The following LACTBL1 variants were observed in gnomAD, a reference collection of about 807,000 sequenced individuals.
LACTBL1 encodes the protein beta-lactamase-like protein 1.
Under a neutral mutation model 39.6 loss-of-function variants are expected in LACTBL1, and 29 were observed. The ratio of observed to expected loss-of-function variants is 0.73; its 90% CI spans 0.55 to 1.00. LACTBL1 has a LOEUF of 1.00. LACTBL1 is among the 50% of genes least tolerant of loss of function. The pLI, the probability that LACTBL1 is intolerant of heterozygous loss-of-function variation, is 0.00. For missense variants in LACTBL1, 711 were observed against 748.5 expected, an observed-to-expected ratio of 0.95 and a Z score of 0.59; for synonymous variants, 361 against 360.7, an observed-to-expected ratio of 1.00 and a Z score of -0.01.
At position 22,958,622 on chromosome 1, in the gene LACTBL1, C is replaced by G. The variant is rs1019606250; in HGVS notation, c.553+63G>C. ...TGAGCCCAGCCTGGCTGGATGAGAA[C>G]CTGTTCCTCAGCTTCCCCACCTGAA... On this transcript the variant is annotated intron_variant, in intron 4 of 5. Coordinates refer to ENST00000426928, the Ensembl canonical transcript of LACTBL1. 5 of 1,367,034 alleles carry G rather than the reference C, an allele frequency of 3.7e-6. No individual in the cohort carries two copies. In the Admixed American group the frequency reaches 9.3e-5, roughly 25 times the overall value. The allele number at this position is 1,367,034 out of a possible 1,614,324, so 84.7% of individuals were successfully genotyped here. A position where few individuals can be genotyped will look rare whatever the true frequency, so the allele number is the denominator to read the frequency against.
At chr1:22,956,659 G>T (rs1272346911) in intron 4 of LACTBL1, among the ~76,000 whole-genome samples, 1 of 151,990 alleles carries the variant, frequency 6.6e-6, no homozygotes, top group Non-Finnish European at 1.5e-5. Flanking sequence ...ACCAACAGAG[G>T]GTCCTTCAGA....
upstream of LACTBL1, among the ~76,000 whole-genome samples, chr1:22,965,870 A>C (rs1186452317): frequency 6.6e-6 from 1 of 152,186 alleles, no homozygotes; most frequent in Non-Finnish European, 1.5e-5. Context: ...TCATTCTTCT[A>C]CTTATATAAA....
rs1640785626 is a variant in LACTBL1 at position 22,958,672 on chromosome 1, T to C, written c.553+13A>G. On this transcript the variant is annotated intron_variant, in intron 4 of 5. Coordinates refer to ENST00000426928, the Ensembl canonical transcript of LACTBL1. ...AATGGTTTGGGTCAGCCTGAGTCAG[T>C]TCTGAGACTCACCTGAGAGCTGGCT... The C allele has an allele frequency of 6.5e-7, 1 of 1,533,656 alleles. No homozygotes were observed. The highest frequency in any genetic ancestry group is 2.0e-5 in the Admixed American group (1 of 50,194).
At chr1:22,959,914 A>G in intron 3 of LACTBL1, 28 bp downstream of exon 5, 1 of 1,550,700 alleles carries the variant, frequency 6.4e-7, no homozygotes, top group African/African-American at 1.4e-5. Context: ...TTACCCCTCC[A>G]CAGGACCCTA....
At chr1:22,962,623 C>T (rs1380210118) in intron 2 of LACTBL1, among the ~76,000 whole-genome samples, 1 of 152,192 alleles carries the variant, frequency 6.6e-6, no homozygotes, top group African/African-American at 2.4e-5. Context: ...TATGGCCTCT[C>T]AGTTCTCTGT....
Position 22,960,135 on chromosome 1 carries a change from C to T in LACTBL1, c.160-36G>A, listed in dbSNP as rs560411669. 5 of 1,548,464 alleles carry T rather than the reference C, an allele frequency of 3.2e-6. No individual in the cohort carries two copies. In the Admixed American group the frequency reaches 5.9e-5, roughly 18 times the overall value. ...AAGAACGGGTGCAGTGACAGGCCCC[C>T]CTGCCCTCACCCTCAGTAATCATCT... On this transcript the variant is annotated intron_variant, in intron 2 of 5. Coordinates refer to ENST00000426928, the Ensembl canonical transcript of LACTBL1.
chr1:22,965,204 A>T, intron 1 of LACTBL1, 86 bp downstream of exon 3: 1 of 1,162,824 alleles, frequency 8.6e-7, no homozygotes, highest in Non-Finnish European at 1.1e-6. Flanking sequence ...GTCCTCCCCT[A>T]CACACTAGAA....
upstream of LACTBL1, among the ~76,000 whole-genome samples, chr1:22,967,790 T>C (rs1640898285): frequency 6.6e-6 from 1 of 152,138 alleles, no homozygotes; most frequent in African/African-American, 2.4e-5. Context: ...CTTGCTTATT[T>C]ACTTTGTCTG....
At chr1:22,964,105 T>C (rs1640854300) in intron 1 of LACTBL1, among the ~76,000 whole-genome samples, 1 of 151,904 alleles carries the variant, frequency 6.6e-6, no homozygotes, top group Admixed American at 6.6e-5. Flanking sequence ...CCCGGCTCAT[T>C]TTTGTATTTT....
exon 2 of LACTBL1, chr1:22,963,131 G>C (rs890105136): frequency 4.6e-5 from 59 of 1,287,270 alleles, no homozygotes; most frequent in Admixed American, 1.2e-4. Flanking sequence ...CCTTCAACAC[G>C]GGGAGTGGGT....
rs139197369 is a variant in LACTBL1 at position 22,955,838 on chromosome 1, G to A, written c.554-412C>T. On this transcript the variant is annotated intron_variant, in intron 4 of 5. Coordinates refer to ENST00000426928, the Ensembl canonical transcript of LACTBL1. ...AGCACTTTGGGAGGCCAAGGTGGGC[G>A]GATTGCCTGAGGTCGGAGTTCAAGA... Among the ~76,000 whole-genome samples, 187 of 152,252 alleles carry A rather than the reference G, an allele frequency of 1.2e-3. 1 individual carries two copies. Among genetic ancestry groups the A allele is most frequent in the African/African-American group, 4.3e-3 (178 of 41,552 alleles).
chr1:22,955,284 C>T, intron 5 of LACTBL1, 37 bp downstream of exon 7: 1 of 1,500,482 alleles, frequency 6.7e-7, no homozygotes, highest in Non-Finnish European at 9.1e-7. Flanking sequence ...CCAGGAGGCT[C>T]CTAACATGAG....
At chr1:22,956,613 C>T (rs1417117785) in intron 4 of LACTBL1, among the ~76,000 whole-genome samples, 1 of 152,068 alleles carries the variant, frequency 6.6e-6, no homozygotes, top group South Asian at 2.1e-4. Context: ...TTACCTGTGT[C>T]AATCACAGCA....
At chr1:22,958,315 G>A (rs142500815) in intron 4 of LACTBL1, among the ~76,000 whole-genome samples, 2,353 of 152,184 alleles carry the variant, frequency 0.015, 44 homozygotes, top group African/African-American at 0.051. Context: ...GAATTACTGG[G>A]CTCGAGTGAT....
intron 2 of LACTBL1, among the ~76,000 whole-genome samples, chr1:22,962,850 A>G (rs1187444483): frequency 6.6e-6 from 1 of 151,836 alleles, no homozygotes; most frequent in African/African-American, 2.4e-5. Flanking sequence ...AACTTTTCTT[A>G]CCCTCACTCT....
rs779004645 is a variant in LACTBL1, at chr1:22,953,612, G to C, written c.1072C>G (p.Arg358Gly). ...AGATCGCCGTCCTTGCGCACCACGC[G>C]GTAGCCCCGCTGCGCGTGGAACTCC... The change falls in exon 6 of 6, where the codon CGC (arginine) becomes GGC (glycine). Residue 358 changes from arginine to glycine, a missense_variant. Arg to Gly is a moderately radical substitution (Grantham distance 125). Transcript: ENST00000426928. The C allele has an allele frequency of 6.1e-4, 768 of 1,264,802 alleles. 1 individual carries two copies. The highest frequency in any genetic ancestry group is 7.2e-4 in the Non-Finnish European group (731 of 1,010,306). 78.3% of individuals were successfully genotyped at this position (1,264,802 alleles called of 1,614,324 possible). A position where few individuals can be genotyped will look rare whatever the true frequency, so the allele number is the denominator to read the frequency against.
intron 2 of LACTBL1, among the ~76,000 whole-genome samples, chr1:22,961,622 C>G (rs534634546): frequency 1.3e-5 from 2 of 152,222 alleles, no homozygotes; most frequent in East Asian, 3.9e-4. Context: ...CCTCAGCCTC[C>G]CAAAGTGCTG....
intron 4 of LACTBL1, among the ~76,000 whole-genome samples, chr1:22,956,591 G>A (rs1282429421): frequency 6.6e-6 from 1 of 152,080 alleles, no homozygotes; most frequent in Admixed American, 6.6e-5. Context: ...GATAGTACCT[G>A]TCTTCACCCC....
At chr1:22,971,388 T>C in the LACTBL1 span, among the ~76,000 whole-genome samples, 1 of 152,300 alleles carries the variant, frequency 6.6e-6, no homozygotes, top group East Asian at 1.9e-4. Context: ...ACAGTTTGAC[T>C]TGCAGTAGCC....
Sources: gnomAD v4.1 joint callset for allele counts (sites outside exome capture counted in the v4.1 genomes callset) on GRCh38, gnomAD v4.1.1 for gene constraint, MANE v1.5 for transcripts, NCBI Gene and HGNC (gene_info 2026-07-23, HGNC 2026-07-21) for gene names.